U2AF2: variants seen among roughly 807,000 people sequenced by gnomAD.
The protein encoded by U2AF2 is U2 small nuclear RNA auxiliary factor 2, also known as splicing factor U2AF 65 kDa subunit.
Under a neutral mutation model 52.6 loss-of-function variants are expected in U2AF2, and 6 were observed. The observed-to-expected ratio is 0.11, with a 90% CI of 0.06 to 0.23. The LOEUF is 0.23. Among genes scored for constraint, U2AF2 ranks in the 10% least tolerant of loss-of-function variants. The probability of loss-of-function intolerance (pLI) is 1.00; values close to 1 mark genes in which losing one functional copy is unlikely to be tolerated. For missense variants in U2AF2, 222 were observed against 677.1 expected, an observed-to-expected ratio of 0.33 and a Z score of 7.46; for synonymous variants, 284 against 258.2, an observed-to-expected ratio of 1.10 and a Z score of -0.96.
intron 6 of U2AF2, among the ~76,000 whole-genome samples, chr19:55,663,009 T>C (rs1343958823): frequency 2.6e-5 from 4 of 152,166 alleles, no homozygotes; most frequent in Admixed American, 6.5e-5. Flanking sequence ...CTAACTGATG[T>C]TCCTAACTAG....
At chr19:55,671,621 G>GA (rs1984924673) in intron 11 of U2AF2, 1 of 152,354 alleles carries the variant, frequency 6.6e-6, no homozygotes. Context: ...GGGGCATGGG[G>GA]AAGGCCAACG....
At chr19:55,669,770 T>G in intron 11 of U2AF2, 78 bp downstream of exon 11, 1 of 1,474,272 alleles carries the variant, frequency 6.8e-7, no homozygotes, top group Non-Finnish European at 9.0e-7. Flanking sequence ...CCTCTCTTGC[T>G]CCCTCACCCT....
At chr19:55,672,752 A>G (rs1984999969) in intron 11 of U2AF2, among the ~76,000 whole-genome samples, 1 of 147,466 alleles carries the variant, frequency 6.8e-6, no homozygotes, top group African/African-American at 2.5e-5. Context: ...TTTTTGAGAC[A>G]GAGTCTCGCT....
At chr19:55,658,193 C>A (rs551924243) in intron 1 of U2AF2, among the ~76,000 whole-genome samples, 2 of 152,266 alleles carry the variant, frequency 1.3e-5, no homozygotes, top group African/African-American at 4.8e-5. Context: ...CATATATAAG[C>A]ACCTTAACGT....
At chr19:55,662,668 C>A in intron 6 of U2AF2, 50 bp downstream of exon 6, 1 of 1,524,080 alleles carries the variant, frequency 6.6e-7, no homozygotes, top group Non-Finnish European at 9.1e-7. Context: ...GATGTGAGGG[C>A]CCAGCCCTTA....
At chr19:55,658,149 C>T (rs1408130103) in intron 1 of U2AF2, among the ~76,000 whole-genome samples, 2 of 152,110 alleles carry the variant, frequency 1.3e-5, no homozygotes, top group African/African-American at 4.8e-5. Flanking sequence ...TCCTCTTGTC[C>T]CCAGGGATGA....
intron 11 of U2AF2, among the ~76,000 whole-genome samples, chr19:55,672,258 T>C (rs1047420025): frequency 6.6e-6 from 1 of 152,262 alleles, no homozygotes. Flanking sequence ...TATGTGCTAA[T>C]ATTTTGGTGT....
intron 1 of U2AF2, among the ~76,000 whole-genome samples, chr19:55,655,705 A>G (rs1018766225): frequency 6.6e-6 from 1 of 152,174 alleles, no homozygotes; most frequent in African/African-American, 2.4e-5. Flanking sequence ...CCCCTCGCGT[A>G]CCCCTTTTCC....
At chr19:55,666,818 C>T (rs1016073689) in intron 7 of U2AF2, among the ~76,000 whole-genome samples, 3 of 152,216 alleles carry the variant, frequency 2.0e-5, no homozygotes, top group Admixed American at 2.0e-4. Context: ...TCCAGTGTGA[C>T]CCATTCTTCC....
At chr19:55,664,205 T>C (rs1379984207) in intron 7 of U2AF2, 2 of 166,438 alleles carry the variant, frequency 1.2e-5, no homozygotes, top group Admixed American at 1.2e-4. Context: ...TCTGGGCCAT[T>C]CCCCATAGCT....
intron 7 of U2AF2, among the ~76,000 whole-genome samples, chr19:55,667,677 C>T (rs1050240019): frequency 3.9e-5 from 6 of 152,206 alleles, no homozygotes; most frequent in Non-Finnish European, 8.8e-5. Context: ...TCTGAGACTT[C>T]CCGGGCAGCC....
intron 9 of U2AF2, 29 bp from the exon 10 acceptor site, chr19:55,669,053 AC>A (rs779624956): frequency 8.5e-6 from 13 of 1,534,450 alleles, no homozygotes; most frequent in Admixed American, 1.7e-5. Context: ...CTCTCCCCGC[AC>A]CCCCCGACCC....
At chr19:55,666,990 G>T (rs1454927936) in intron 7 of U2AF2, among the ~76,000 whole-genome samples, 1 of 152,208 alleles carries the variant, frequency 6.6e-6, no homozygotes, top group African/African-American at 2.4e-5. Context: ...GAGGTTGAAA[G>T]TCTTACAGGA....
intron 4 of U2AF2, 46 bp downstream of exon 4, chr19:55,660,665 T>C: frequency 1.9e-6 from 3 of 1,550,854 alleles, no homozygotes; most frequent in Non-Finnish European, 2.6e-6. Flanking sequence ...GGTACAGGGG[T>C]TGGGATTCTC....
intron 11 of U2AF2, among the ~76,000 whole-genome samples, chr19:55,673,113 T>TTCGCTA (rs1192185860): frequency 1.3e-5 from 2 of 151,534 alleles, no homozygotes; most frequent in African/African-American, 4.9e-5. Flanking sequence ...GAGATGGGGT[T>TTCGCTA]TCGCTATGTT....
At chr19:55,660,421 G>A (rs1311775795) in intron 3 of U2AF2, 95 bp from the exon 4 acceptor site, 2 of 1,141,444 alleles carry the variant, frequency 1.8e-6, no homozygotes, top group East Asian at 5.0e-5. Flanking sequence ...CATGGTTGCG[G>A]GGAGGGTGAA....
At chr19:55,673,532 C>T (rs1985064936) in intron 11 of U2AF2, among the ~76,000 whole-genome samples, 1 of 152,132 alleles carries the variant, frequency 6.6e-6, no homozygotes, top group African/African-American at 2.4e-5. Flanking sequence ...CTGAGCTTCC[C>T]TTAGTTCACT....
chr19:55,662,878 C>A (rs1042119212), intron 6 of U2AF2, among the ~76,000 whole-genome samples: 1 of 152,128 alleles, frequency 6.6e-6, no homozygotes, highest in Non-Finnish European at 1.5e-5. Context: ...CCATTCCGGC[C>A]CAGTCCTCTC....
At chr19:55,660,344 T>C in intron 3 of U2AF2, 123 bp downstream of exon 3, 1 of 1,217,290 alleles carries the variant, frequency 8.2e-7, no homozygotes. Context: ...CCACTTACCT[T>C]GAAACCAGCA....
Sources: allele counts gnomAD v4.1 joint callset (sites outside exome capture counted in the v4.1 genomes callset), GRCh38; gene constraint gnomAD v4.1.1; transcripts MANE v1.5; gene names NCBI Gene and HGNC (gene_info 2026-07-23, HGNC 2026-07-21).